The following MRTFB variants were observed in gnomAD, a reference collection of about 807,000 sequenced individuals.
The protein encoded by MRTFB is myocardin-related transcription factor B.
Under a neutral mutation model 104.2 loss-of-function variants are expected in MRTFB, and 29 were observed. That is an observed-to-expected ratio of 0.28 (90% CI 0.21 to 0.38). The LOEUF (loss-of-function observed/expected upper bound fraction) is 0.38, where lower values mean the gene tolerates loss of function less well. Ranked by LOEUF, MRTFB falls within the 10% of genes least tolerant of loss-of-function variation. The pLI is 1.00. For synonymous variants in MRTFB, 535 were observed against 519.5 expected, an observed-to-expected ratio of 1.03 and a Z score of -0.41; for missense variants, 1,270 against 1,341.6, an observed-to-expected ratio of 0.95 and a Z score of 0.83.
At chr16:14,187,535 T>C (rs1000583219) in intron 3 of MRTFB, among the ~76,000 whole-genome samples, 4 of 152,222 alleles carry the variant, frequency 2.6e-5, no homozygotes, top group African/African-American at 9.6e-5. Flanking sequence ...GTAATGCGCA[T>C]TGCATCGTTT....
chr16:14,091,005 G>A (rs2035028182), intron 2 of MRTFB, among the ~76,000 whole-genome samples: 1 of 151,178 alleles, frequency 6.6e-6, no homozygotes, highest in Admixed American at 6.6e-5. Flanking sequence ...TAGACAGTTG[G>A]GTGTGTCCCA....
intron 3 of MRTFB, among the ~76,000 whole-genome samples, chr16:14,201,929 T>G (rs1434509290): frequency 6.6e-6 from 1 of 152,204 alleles, no homozygotes; most frequent in Non-Finnish European, 1.5e-5. Flanking sequence ...ATTGTAGGCA[T>G]CTGTAAATTC....
chr16:14,149,240 T>C (rs1246044499), intron 3 of MRTFB: 2 of 152,212 alleles, frequency 1.3e-5, no homozygotes. Flanking sequence ...TTTATGTTGT[T>C]GTTTTCATTA....
intron 2 of MRTFB, among the ~76,000 whole-genome samples, chr16:14,098,699 G>C: frequency 6.6e-6 from 1 of 152,102 alleles, no homozygotes; most frequent in Non-Finnish European, 1.5e-5. Context: ...TTTACACTTT[G>C]GTATATGACC....
chr16:14,073,069 C>T (rs1263898088), intron 1 of MRTFB, among the ~76,000 whole-genome samples: 1 of 152,184 alleles, frequency 6.6e-6, no homozygotes, highest in Non-Finnish European at 1.5e-5. Context: ...AGGAAACGAT[C>T]GCTAATGTTT....
chr16:14,078,320 A>G (rs182962385), intron 1 of MRTFB, among the ~76,000 whole-genome samples: 66 of 152,326 alleles, frequency 4.3e-4, no homozygotes, highest in Non-Finnish European at 8.4e-4. Flanking sequence ...AAATGAATGA[A>G]TAATTGACTT....
At chr16:14,070,497 A>G (rs951470173), upstream of MRTFB, among the ~76,000 whole-genome samples, 1 of 152,194 alleles carries the variant, frequency 6.6e-6, no homozygotes, top group Non-Finnish European at 1.5e-5. Flanking sequence ...CCACCAGTCT[A>G]AGGAGGAGAC....
intron 3 of MRTFB, among the ~76,000 whole-genome samples, chr16:14,159,929 CAAAAAAA>C (rs552159164): frequency 2.2e-4 from 12 of 55,628 alleles, no homozygotes; most frequent in African/African-American, 4.7e-4. Flanking sequence ...GACTCCGTCT[CAAAAAAA>C]AAAAAAAAAA....
chr16:14,113,283 A>G (rs1394555862), intron 2 of MRTFB, among the ~76,000 whole-genome samples: 2 of 152,234 alleles, frequency 1.3e-5, no homozygotes, highest in Admixed American at 1.3e-4. Flanking sequence ...ACCTCAGGTG[A>G]TCCACCCGCC....
chr16:14,235,741 T>G (rs1489404897), intron 9 of MRTFB, among the ~76,000 whole-genome samples: 1 of 152,184 alleles, frequency 6.6e-6, no homozygotes, highest in Non-Finnish European at 1.5e-5. Flanking sequence ...GTTATTATGT[T>G]TCTGTGCCCC....
chr16:14,089,605 C>T (rs916192199), intron 2 of MRTFB, among the ~76,000 whole-genome samples: 3 of 152,126 alleles, frequency 2.0e-5, no homozygotes, highest in Non-Finnish European at 2.9e-5. Flanking sequence ...TATAAATTTT[C>T]TAGTGGACAC....
Position 14,261,385 on chromosome 16 carries a change from C to G in MRTFB, c.3241C>G (p.Pro1081Ala). 3.1e-6 allele frequency: 5 copies of G among 1,613,986 alleles called. No homozygotes were observed. Among genetic ancestry groups the G allele is most frequent in the Non-Finnish European group, 4.2e-6 (5 of 1,179,900 alleles). Residue 1081 changes from proline (P) to alanine (A), a missense_variant, in exon 17 of 17, where the codon CCG (proline) becomes GCG (alanine). Pro to Ala is a conservative substitution (Grantham distance 27). Around this residue, in one of 3 missense-constraint regions of MRTFB, gnomAD observed 1,144 missense variants for 1,131.5 expected, o/e 1.01. Coordinates refer to ENST00000571589, the MANE Select transcript of MRTFB (RefSeq NM_001308142.2). ...SGLTPLSTTAPSMFSADFLDP... is the reference protein window; with the variant it reads ...SGLTPLSTTAASMFSADFLDP... Reference sequence around the variant, plus strand: ...ACTCACTCCTCTCAGCACCACCGCGCCGAGCATGTTCTCTGCTGACTTTCT... The same window carrying G: ...ACTCACTCCTCTCAGCACCACCGCGGCGAGCATGTTCTCTGCTGACTTTCT...
intron 3 of MRTFB, among the ~76,000 whole-genome samples, chr16:14,190,243 G>A (rs961302605): frequency 6.6e-6 from 1 of 152,136 alleles, no homozygotes; most frequent in East Asian, 1.9e-4. Context: ...ATTCTCCTTA[G>A]ACTAGTTTCT....
intron 3 of MRTFB, among the ~76,000 whole-genome samples, chr16:14,208,985 C>T (rs747570279): frequency 5.9e-5 from 9 of 152,166 alleles, no homozygotes; most frequent in Non-Finnish European, 1.0e-4. Flanking sequence ...AAAACCCAAA[C>T]TTATTTCTGT....
chr16:14,016,683 G>T, the MRTFB span, among the ~76,000 whole-genome samples: 1 of 145,660 alleles, frequency 6.9e-6, no homozygotes, highest in Non-Finnish European at 1.5e-5. Context: ...TGAGGCAGGA[G>T]AATGGCTTGA....
rs1308045381 is a variant in MRTFB at position 14,262,546 on chromosome 16, G to T, written c.*1102G>T. On this transcript the variant is annotated 3_prime_UTR_variant, in exon 17 of 17. Coordinates refer to ENST00000571589, the MANE Select transcript of MRTFB (RefSeq NM_001308142.2). Reference sequence around the variant, plus strand: ...CCACAAGGTGGGCCTCCACGTCCCTGCCCTGGCCCTCTTTCTTCTGTCACT... The same window carrying T: ...CCACAAGGTGGGCCTCCACGTCCCTTCCCTGGCCCTCTTTCTTCTGTCACT... 6.6e-6 allele frequency: 1 copy of T among 152,214 alleles called. No homozygotes were observed. The highest frequency in any genetic ancestry group is 1.5e-5 in the Non-Finnish European group (1 of 68,050). 9.4% of individuals were successfully genotyped at this position (152,214 alleles called of 1,614,324 possible). A position where few individuals can be genotyped will look rare whatever the true frequency, so the allele number is the denominator to read the frequency against.
rs1241732318 is a variant in MRTFB at position 14,261,106 on chromosome 16, G to A, written c.2962G>A (p.Gly988Arg). ...LENQLEAFLD[G>R]TLPSANEIPP... Reference sequence around the variant, plus strand: ...GAACCAACTAGAAGCTTTCTTGGATGGAACTTTACCCTCAGCCAATGAAAT... The same window carrying A: ...GAACCAACTAGAAGCTTTCTTGGATAGAACTTTACCCTCAGCCAATGAAAT... The change falls in exon 17 of 17, where the codon GGA becomes AGA. Residue 988 changes from glycine (G) to arginine (R), a missense_variant. Physicochemically the swap from Gly to Arg is moderately radical, Grantham distance 125 (BLOSUM62 -2). This residue lies in a region of MRTFB where 1,144 missense variants were observed against 1,131.5 expected (regional missense o/e 1.01). Coordinates refer to ENST00000571589, the MANE Select transcript of MRTFB (RefSeq NM_001308142.2). The A allele has an allele frequency of 1.2e-6, 2 of 1,614,030 alleles. No homozygotes were observed. The highest frequency in any genetic ancestry group is 1.3e-5 in the African/African-American group (1 of 74,900).
At chr16:14,253,692 C>G (rs1408401111) in intron 15 of MRTFB, among the ~76,000 whole-genome samples, 5 of 152,214 alleles carry the variant, frequency 3.3e-5, no homozygotes, top group African/African-American at 1.2e-4. Context: ...CAGGGATGCT[C>G]AGGGCCCGTA....
chr16:14,245,102 G>A (rs966407639), intron 10 of MRTFB, among the ~76,000 whole-genome samples: 4 of 152,150 alleles, frequency 2.6e-5, no homozygotes, highest in Non-Finnish European at 5.9e-5. Context: ...ACATCACAGT[G>A]TCCTCTTTTT....
Sources: gnomAD v4.1 joint callset for allele counts (sites outside exome capture counted in the v4.1 genomes callset) on GRCh38, gnomAD v4.1.1 for gene constraint, gnomAD v4.1.1 regional missense constraint, MANE v1.5 for transcripts, NCBI Gene and HGNC (gene_info 2026-07-23, HGNC 2026-07-21) for gene names.